SPATA6L: variants seen among roughly 807,000 people sequenced by gnomAD.
SPATA6L encodes the protein spermatogenesis associated 6-like protein.
SPATA6L carries 68 observed loss-of-function variants against 49.2 expected under a neutral mutation model. That is an observed-to-expected ratio of 1.38 (90% CI 1.14 to 1.69). The LOEUF (loss-of-function observed/expected upper bound fraction) is 1.69, where lower values mean the gene tolerates loss of function less well. SPATA6L is among the 40% of genes most tolerant of loss of function. The pLI is 0.00. For missense variants in SPATA6L, 668 were observed against 464.3 expected (o/e 1.44, Z -4.03); for synonymous variants, 198 against 165.7 (o/e 1.19, Z -1.50).
chr9:4,663,489 G>T, intron 1 of SPATA6L: 1 of 517,964 alleles, frequency 1.9e-6, no homozygotes, highest in Middle Eastern at 5.1e-4. Flanking sequence ...ATCCTCTATT[G>T]TATATTTATT....
At chr9:4,607,729 G>A (rs1459215607) in intron 9 of SPATA6L, among the ~76,000 whole-genome samples, 2 of 152,134 alleles carry the variant, frequency 1.3e-5, no homozygotes, top group African/African-American at 4.8e-5. Context: ...GGAAGAAACT[G>A]CATCAACTAA....
In SPATA6L at chr9:4,666,326, T is replaced by A; in HGVS notation, c.-76A>T. On this transcript the variant is annotated 5_prime_UTR_variant, in exon 1 of 12. Coordinates refer to ENST00000682582, the MANE Select transcript of SPATA6L (RefSeq NM_001353486.2). The stretch of plus-strand genomic sequence containing the variant: ...AGCCTTGGACCAATTTTTCTTAGTT[T>A]AGCTGAATACCTAGAGCAAATGTTC... 6.7e-7 allele frequency: 1 copy of A among 1,485,100 alleles called. No homozygotes were observed. Among genetic ancestry groups the A allele is most frequent in the Non-Finnish European group, 9.4e-7 (1 of 1,065,482 alleles). 92.0% of individuals were successfully genotyped at this position (1,485,100 alleles called of 1,614,324 possible).
intron 6 of SPATA6L, among the ~76,000 whole-genome samples, chr9:4,624,646 A>G (rs778772948): frequency 6.6e-6 from 1 of 151,638 alleles, no homozygotes; most frequent in Non-Finnish European, 1.5e-5. Flanking sequence ...GAGAATCACT[A>G]GAACACGGAA....
intron 9 of SPATA6L, among the ~76,000 whole-genome samples, chr9:4,611,255 C>G (rs1416965744): frequency 1.4e-5 from 2 of 145,072 alleles, no homozygotes; most frequent in African/African-American, 5.5e-5. Flanking sequence ...CCTCAGGGAT[C>G]TAGAACTAGA....
chr9:4,633,493 T>C (rs10974683), intron 4 of SPATA6L: 11,289 of 160,234 alleles, frequency 0.07, 638 homozygotes, highest in Admixed American at 0.16. Context: ...TATCTGCCAA[T>C]ATATTGTAAT....
chr9:4,626,398 T>C (rs78154187), intron 5 of SPATA6L: 31 of 1,301,102 alleles, frequency 2.4e-5, no homozygotes, highest in Non-Finnish European at 3.0e-5. Context: ...TCCTTTGAGA[T>C]CTGAGTTCCA....
chr9:4,663,179 C>G (rs1342136869), intron 1 of SPATA6L: 1 of 1,614,010 alleles, frequency 6.2e-7, no homozygotes, highest in African/African-American at 1.3e-5. Context: ...TTTTTCTGGG[C>G]TACATGCAGT....
In SPATA6L at chr9:4,625,329, G is replaced by T. The variant is rs764792315; in HGVS notation, c.667C>A (p.His223Asn). The T allele has an allele frequency of 1.2e-6, 2 of 1,612,312 alleles. No individual in the cohort carries two copies. The highest frequency in any genetic ancestry group is 1.1e-5 in the South Asian group (1 of 90,792). ...CTAAAAAATAATTTTAGGCTCACGT[G>T]TCTAACAACAAATGGAGGCTTGCTT... ...GGSKPPFVVR[H>N]VDSAKPFGEN... is the part of the protein sequence containing the mutation. The change falls in exon 6 of 12, where the codon CAC becomes AAC. Residue 223 changes from histidine (H) to asparagine (N), a missense_variant and splice_region_variant. Coordinates refer to ENST00000682582, the MANE Select transcript of SPATA6L (RefSeq NM_001353486.2).
At chr9:4,636,129 T>C (rs1832763842) in intron 3 of SPATA6L, among the ~76,000 whole-genome samples, 1 of 151,532 alleles carries the variant, frequency 6.6e-6, no homozygotes, top group Admixed American at 6.6e-5. Context: ...TTTTGCATAA[T>C]TTGGAAATAC....
At chr9:4,647,228 C>G (rs77634661) in intron 3 of SPATA6L, among the ~76,000 whole-genome samples, 13,704 of 152,160 alleles carry the variant, frequency 0.09, 895 homozygotes, top group Non-Finnish European at 0.12. Flanking sequence ...CACTTGTTAT[C>G]CATTAACATA....
intron 5 of SPATA6L, chr9:4,626,444 G>A (rs1830367976): frequency 7.7e-7 from 1 of 1,304,368 alleles, no homozygotes; most frequent in Non-Finnish European, 1.0e-6. Flanking sequence ...TCCTGAAGAA[G>A]CATCCAGGAA....
intron 9 of SPATA6L, among the ~76,000 whole-genome samples, chr9:4,616,831 C>CTT (rs1828133268): frequency 1.3e-5 from 2 of 152,172 alleles, no homozygotes; most frequent in South Asian, 4.1e-4. Context: ...GTGATCCACC[C>CTT]ACCTTGGCCT....
At chr9:4,657,108 C>T (rs78039614) in intron 2 of SPATA6L, among the ~76,000 whole-genome samples, 5,920 of 152,098 alleles carry the variant, frequency 0.039, 242 homozygotes, top group African/African-American at 0.081. Flanking sequence ...AAAGGTACAC[C>T]CTGTCTTTCC....
At chr9:4,601,594 T>C (rs1161338663) in intron 11 of SPATA6L, among the ~76,000 whole-genome samples, 2 of 152,280 alleles carry the variant, frequency 1.3e-5, no homozygotes, top group Non-Finnish European at 2.9e-5. Flanking sequence ...CCTGACCTTT[T>C]TGTGGTAAGA....
intron 2 of SPATA6L, among the ~76,000 whole-genome samples, chr9:4,661,233 A>T (rs902261681): frequency 2.0e-5 from 3 of 152,234 alleles, no homozygotes; most frequent in Admixed American, 6.5e-5. Context: ...CATTAGACTT[A>T]TTAAGGTTAA....
In SPATA6L at chr9:4,662,934, G is replaced by C. The variant is rs144108897; in HGVS notation, c.40-898C>G. ...GCTGGTGGCCTTGATCAAAGGGCTG[G>C]TCCGCAGGCGCCGCCCGGCCCACAA... is the stretch of plus-strand genomic sequence containing the variant. On this transcript the variant is annotated intron_variant, in intron 1 of 11. Transcript: ENST00000682582. This position sits in a 1 kb window ranked among gnomAD's most constrained non-coding sequence, Gnocchi z 4.9. 1.2e-6 allele frequency: 2 copies of C among 1,611,184 alleles called. No individual in the cohort carries two copies. Among genetic ancestry groups the C allele is most frequent in the South Asian group, 1.1e-5 (1 of 91,046 alleles).
rs750949453 is a variant in SPATA6L at position 4,604,266 on chromosome 9, C to T, written c.1093G>A (p.Asp365Asn). ...HRAQLHQNKEDSTSEVNYIIE... is the reference protein window; with the variant it reads ...HRAQLHQNKENSTSEVNYIIE... ...ATATAATTTACTTCAGAGGTAGAATCTTCCTACAATAAAAACAAATCCAGC... is the reference window on the plus strand; with the variant it reads ...ATATAATTTACTTCAGAGGTAGAATTTTCCTACAATAAAAACAAATCCAGC... The change falls in exon 11 of 12, where the codon GAT becomes AAT. Residue 365 changes from aspartate to asparagine, a missense_variant. Asp to Asn is a conservative substitution (Grantham distance 23). Coordinates refer to ENST00000682582, the MANE Select transcript of SPATA6L (RefSeq NM_001353486.2). 1 of 1,600,214 alleles carries T rather than the reference C, an allele frequency of 6.2e-7. No homozygotes were observed. Among genetic ancestry groups the T allele is most frequent in the Non-Finnish European group, 8.6e-7 (1 of 1,168,382 alleles).
At chr9:4,597,090 T>C (rs1822320916), downstream of SPATA6L, among the ~76,000 whole-genome samples, 2 of 152,226 alleles carry the variant, frequency 1.3e-5, no homozygotes, top group South Asian at 2.1e-4. Flanking sequence ...CATAAGGACA[T>C]TGAGACACAA....
At chr9:4,628,054 A>G (rs796512417) in intron 5 of SPATA6L, 95 of 346,358 alleles carry the variant, frequency 2.7e-4, no homozygotes, top group African/African-American at 1.9e-3. Flanking sequence ...AGATTAAAAC[A>G]ATTGAACTCA....
Sources: gnomAD v4.1 joint callset for allele counts (sites outside exome capture counted in the v4.1 genomes callset) on GRCh38, gnomAD v4.1.1 for gene constraint, Gnocchi (gnomAD v3.1) non-coding constraint, MANE v1.5 for transcripts, NCBI Gene and HGNC (gene_info 2026-07-23, HGNC 2026-07-21) for gene names.